Variants in KIF16B observed in about 807,000 individuals in gnomAD.
KIF16B encodes the protein kinesin family member 16B, also known as kinesin-like protein KIF16B.
A neutral mutation model predicts 156.3 loss-of-function variants in KIF16B; 98 were observed. That is an observed-to-expected ratio of 0.63 (90% CI 0.53 to 0.74). KIF16B has a LOEUF of 0.74. KIF16B is among the 30% of genes least tolerant of loss of function. The pLI is 0.00. For synonymous variants in KIF16B, 564 were observed against 583.7 expected (o/e 0.97, Z 0.49); for missense variants, 1,421 against 1,606.5 (o/e 0.88, Z 1.97).
chr20:16,488,062 C>T (rs574223499), intron 12 of KIF16B, among the ~76,000 whole-genome samples: 10 of 152,314 alleles, frequency 6.6e-5, no homozygotes, highest in Admixed American at 2.6e-4. Flanking sequence ...CACCCGCTGC[C>T]ACACCACAGT....
chr20:16,533,637 G>A lies in KIF16B; in HGVS notation c.48-5197C>T, dbSNP rs892080891. On this transcript the variant is annotated intron_variant, in intron 1 of 25. Transcript: ENST00000354981. Reference sequence around the variant, plus strand: ...TACTGTCTCCATTCTATGCTCTTAAGTTGTAAGTGGCTTCTGACCAAGAGC... The same window carrying A: ...TACTGTCTCCATTCTATGCTCTTAAATTGTAAGTGGCTTCTGACCAAGAGC... 2.0e-5 allele frequency among the ~76,000 whole-genome samples: 3 copies of A among 152,148 alleles called. No homozygotes were observed. The South Asian group carries it at 6.2e-4, about 32-fold the overall frequency.
chr20:16,369,404 A>G (rs1045967194), intron 22 of KIF16B: 1 of 429,772 alleles, frequency 2.3e-6, no homozygotes, highest in Non-Finnish European at 3.1e-6. Flanking sequence ...AGCCATTTGT[A>G]TTGATACATG....
At chr20:16,482,775 G>GAA (rs34514115) in intron 12 of KIF16B, among the ~76,000 whole-genome samples, 32 of 152,112 alleles carry the variant, frequency 2.1e-4, no homozygotes, top group African/African-American at 6.0e-4. Context: ...TGTTTGCCTT[G>GAA]AATATATATG....
In KIF16B at chr20:16,374,297, T is replaced by C. The variant is rs376114906; in HGVS notation, c.3310A>G (p.Ser1104Gly). 4.0e-5 allele frequency: 64 copies of C among 1,603,970 alleles called. No individual in the cohort carries two copies. The Admixed American group carries it at 6.7e-4, about 17-fold the overall frequency. ...GKVASSSLPV[S>G]AEKSHLVPLM... ...GGAACCAGGTGTGATTTTTCAGCAC[T>C]GACTGGCAAGCTGGAAGAAGCCACC... Residue 1104 changes from serine (S) to glycine (G), a missense_variant, in exon 20 of 26, where the codon AGT (serine) becomes GGT (glycine). Transcript: ENST00000354981.
At chr20:16,273,787 T>C (rs2063018933) in intron 25 of KIF16B, among the ~76,000 whole-genome samples, 1 of 152,170 alleles carries the variant, frequency 6.6e-6, no homozygotes, top group African/African-American at 2.4e-5. Flanking sequence ...AGTGCTATCA[T>C]TGTCATTAAA....
intron 23 of KIF16B, among the ~76,000 whole-genome samples, chr20:16,344,476 T>C (rs1479458219): frequency 6.6e-6 from 1 of 152,180 alleles, no homozygotes; most frequent in African/African-American, 2.4e-5. Context: ...CGTGGTCTCC[T>C]AGCTTATCTC....
At chr20:16,407,073 C>T (rs1357983686) in intron 15 of KIF16B, among the ~76,000 whole-genome samples, 1 of 152,194 alleles carries the variant, frequency 6.6e-6, no homozygotes, top group Non-Finnish European at 1.5e-5. Flanking sequence ...TGACTGATGA[C>T]AGTCTTCCTT....
At chr20:16,330,547 T>C (rs1047856614) in intron 24 of KIF16B, among the ~76,000 whole-genome samples, 2 of 152,200 alleles carry the variant, frequency 1.3e-5, no homozygotes, top group African/African-American at 2.4e-5. Context: ...TATAGGTATG[T>C]TCAAGAATGT....
chr20:16,566,563 C>T (rs917736952), intron 1 of KIF16B, among the ~76,000 whole-genome samples: 6 of 152,188 alleles, frequency 3.9e-5, no homozygotes, highest in African/African-American at 7.2e-5. Context: ...CAGCACTGTA[C>T]GAAATGCTAC....
At chr20:16,393,951 C>A (rs565676609) in intron 17 of KIF16B, among the ~76,000 whole-genome samples, 1 of 152,160 alleles carries the variant, frequency 6.6e-6, no homozygotes, top group Admixed American at 6.5e-5. Context: ...CAACTGGAAA[C>A]CTTGACTGAA....
chr20:16,460,428 A>G (rs1374731068), intron 12 of KIF16B, among the ~76,000 whole-genome samples: 1 of 152,200 alleles, frequency 6.6e-6, no homozygotes, highest in East Asian at 1.9e-4. Context: ...AAAATTAGCC[A>G]GGTGTAGTAG....
chr20:16,280,867 T>TGTGTGTGTGTGTGTGTGTGC (rs758721339), intron 25 of KIF16B, among the ~76,000 whole-genome samples: 175 of 150,886 alleles, frequency 1.2e-3, no homozygotes, highest in South Asian at 2.5e-3. Context: ...TGTGTGTGTG[T>TGTGTGTGTGTGTGTGTGTGC]GCGCAGAAAA....
intron 25 of KIF16B, among the ~76,000 whole-genome samples, chr20:16,300,359 A>G (rs889447825): frequency 6.6e-6 from 1 of 152,242 alleles, no homozygotes; most frequent in African/African-American, 2.4e-5. Context: ...ACATATGAAA[A>G]ACATAACTTG....
chr20:16,455,629 A>T (rs1486087806), intron 12 of KIF16B, among the ~76,000 whole-genome samples: 1 of 152,218 alleles, frequency 6.6e-6, no homozygotes, highest in African/African-American at 2.4e-5. Context: ...TATTACTTCC[A>T]TTCTAGGTCC....
intron 1 of KIF16B, among the ~76,000 whole-genome samples, chr20:16,541,772 G>C (rs946496709): frequency 6.6e-6 from 1 of 152,216 alleles, no homozygotes; most frequent in African/African-American, 2.4e-5. Context: ...GGGAGAAGTG[G>C]AGCTGCAGCA....
At chr20:16,279,132 A>C (rs1185201275) in intron 25 of KIF16B, among the ~76,000 whole-genome samples, 1 of 152,114 alleles carries the variant, frequency 6.6e-6, no homozygotes, top group African/African-American at 2.4e-5. Context: ...TCCCTTCCCA[A>C]ACAGCAGCCC....
At chr20:16,458,746 A>T (rs527592932) in intron 12 of KIF16B, among the ~76,000 whole-genome samples, 14 of 151,982 alleles carry the variant, frequency 9.2e-5, no homozygotes, top group Non-Finnish European at 1.6e-4. Context: ...GTACAGGTAT[A>T]TACACACACA....
chr20:16,294,105 T>C (rs2063350137), intron 25 of KIF16B, among the ~76,000 whole-genome samples: 1 of 152,028 alleles, frequency 6.6e-6, no homozygotes, highest in African/African-American at 2.4e-5. Context: ...AGGGCATGAA[T>C]AGGGGACAGG....
intron 13 of KIF16B, among the ~76,000 whole-genome samples, chr20:16,429,544 C>G (rs1346243646): frequency 6.6e-6 from 1 of 152,128 alleles, no homozygotes. Context: ...ACTGTACATA[C>G]AACAAAATCC....
Sources: gnomAD v4.1 joint callset for allele counts (sites outside exome capture counted in the v4.1 genomes callset) on GRCh38, gnomAD v4.1.1 for gene constraint, MANE v1.5 for transcripts, NCBI Gene and HGNC (gene_info 2026-07-23, HGNC 2026-07-21) for gene names.